The following KIF23 variants were observed in gnomAD, a reference collection of about 807,000 sequenced individuals.
KIF23 encodes kinesin family member 23, also known as kinesin-like protein KIF23.
KIF23 carries 30 observed loss-of-function variants against 137.5 expected under a neutral mutation model. The observed-to-expected ratio is 0.22, with a 90% confidence interval of 0.16 to 0.30. KIF23 has a LOEUF of 0.30. Ranked by LOEUF, KIF23 falls within the 10% of genes least tolerant of loss-of-function variation. The pLI, the probability that KIF23 is intolerant of heterozygous loss-of-function variation, is 1.00. For missense variants in KIF23, 920 were observed against 1,194.3 expected, an observed-to-expected ratio of 0.77 and a Z score of 3.38; for synonymous variants, 367 against 391.1, an observed-to-expected ratio of 0.94 and a Z score of 0.73.
intron 3 of KIF23, among the ~76,000 whole-genome samples, chr15:69,421,357 C>T (rs1382785041): frequency 6.6e-6 from 1 of 152,116 alleles, no homozygotes; most frequent in Non-Finnish European, 1.5e-5. Context: ...CATTGCACTC[C>T]AGCCTGGGCA....
chr15:69,426,676 C>T (rs1041395344), intron 10 of KIF23: 12 of 516,760 alleles, frequency 2.3e-5, no homozygotes, highest in East Asian at 6.7e-5. Context: ...ACTGAGATCG[C>T]GCCACTGTAG....
chr15:69,433,019 C>T (rs72758418), intron 11 of KIF23, among the ~76,000 whole-genome samples: 6,291 of 152,140 alleles, frequency 0.041, 186 homozygotes, highest in Non-Finnish European at 0.06. Context: ...CATGTTCCCC[C>T]GGACAATATA....
At chr15:69,429,364 G>A in intron 11 of KIF23, 151 bp downstream of exon 11, 4 of 618,470 alleles carry the variant, frequency 6.5e-6, no homozygotes, top group South Asian at 2.1e-5. Flanking sequence ...GAATGCAGTG[G>A]TGTGATCATG....
At chr15:69,422,949 C>T (rs575977103) in intron 6 of KIF23, 6 of 393,304 alleles carry the variant, frequency 1.5e-5, no homozygotes, top group South Asian at 5.3e-5. Context: ...TAGAGGCACA[C>T]GCCACCATGC....
intron 17 of KIF23, 61 bp downstream of exon 17, chr15:69,440,138 A>G (rs1406659923): frequency 1.1e-5 from 17 of 1,566,344 alleles, no homozygotes; most frequent in African/African-American, 2.7e-5. Context: ...CATTGTAGTT[A>G]GGTTCGATAT....
Position 69,436,372 on chromosome 15 carries a change from A to T in KIF23, c.1438+111A>T, listed in dbSNP as rs1480417001. The T allele has an allele frequency of 2.2e-6, 3 of 1,379,822 alleles. No homozygotes were observed. The African/African-American group carries it at 4.4e-5, about 20-fold the overall frequency. 85.5% of individuals were successfully genotyped at this position (1,379,822 alleles called of 1,614,324 possible). A position where few individuals can be genotyped will look rare whatever the true frequency, so the allele number is the denominator to read the frequency against. ...ATGTTTACATACCTTCTGAAGAACC[A>T]AGCACATAATAATTTGAACAAAATT... On this transcript the variant is annotated intron_variant, in intron 14 of 23. Coordinates refer to ENST00000679126, the MANE Select transcript of KIF23 (RefSeq NM_001367805.3).
chr15:69,421,207 G>A (rs569577598), intron 3 of KIF23, among the ~76,000 whole-genome samples: 124 of 152,210 alleles, frequency 8.1e-4, no homozygotes, highest in Non-Finnish European at 1.5e-3. Flanking sequence ...AGCCTAACAT[G>A]GTGAAACCCG....
At chr15:69,416,848 G>A (rs1239333413) in intron 2 of KIF23, among the ~76,000 whole-genome samples, 3 of 152,194 alleles carry the variant, frequency 2.0e-5, no homozygotes, top group East Asian at 3.9e-4. Flanking sequence ...CCAGCTACTC[G>A]GGAGGCTGAG....
chr15:69,428,391 C>T (rs556869715), intron 10 of KIF23, among the ~76,000 whole-genome samples: 2 of 151,960 alleles, frequency 1.3e-5, no homozygotes, highest in African/African-American at 4.8e-5. Flanking sequence ...CGTGGTGGCT[C>T]ACCCCTGTAA....
chr15:69,429,436 A>T (rs1358539257), intron 11 of KIF23, among the ~76,000 whole-genome samples: 2 of 152,058 alleles, frequency 1.3e-5, no homozygotes, highest in African/African-American at 4.8e-5. Flanking sequence ...TTCTGAGTAG[A>T]TGGGACTACA....
intron 7 of KIF23, 79 bp downstream of exon 7, chr15:69,423,408 G>A (rs2057111579): frequency 9.2e-6 from 8 of 874,220 alleles, no homozygotes; most frequent in Non-Finnish European, 1.4e-5. Flanking sequence ...AGTTTCTTCA[G>A]TTATGAAAGA....
At chr15:69,433,909 T>C (rs188607362) in intron 11 of KIF23, among the ~76,000 whole-genome samples, 1 of 152,292 alleles carries the variant, frequency 6.6e-6, no homozygotes, top group Non-Finnish European at 1.5e-5. Flanking sequence ...TTTAAATTAA[T>C]TGATTATGTA....
chr15:69,417,624 AT>A, intron 3 of KIF23, 113 bp downstream of exon 3: 1 of 1,146,166 alleles, frequency 8.7e-7, no homozygotes, highest in Non-Finnish European at 1.2e-6. Context: ...CAAAAGACTT[AT>A]TTACTTCATT....
At chr15:69,441,841 T>C (rs1469704039) in intron 19 of KIF23, among the ~76,000 whole-genome samples, 1 of 151,804 alleles carries the variant, frequency 6.6e-6, no homozygotes, top group Non-Finnish European at 1.5e-5. Flanking sequence ...TGATTATGGC[T>C]CACTGCAGCC....
At chr15:69,440,168 G>A (rs984811173) in intron 17 of KIF23, 91 bp downstream of exon 17, 18 of 1,512,230 alleles carry the variant, frequency 1.2e-5, no homozygotes, top group Middle Eastern at 1.7e-4. Context: ...TTGTATTTGC[G>A]GTAGGGTTTT....
intron 20 of KIF23, among the ~76,000 whole-genome samples, 196 bp downstream of exon 20, chr15:69,445,237 T>C (rs1219892196): frequency 2.0e-5 from 3 of 152,168 alleles, no homozygotes. Flanking sequence ...TAAGTATGCT[T>C]TAAATAGGTA....
chr15:69,446,129 C>A lies in KIF23; in HGVS notation c.2756+38C>A. The A allele has an allele frequency of 1.9e-6, 3 of 1,567,254 alleles. No individual in the cohort carries two copies. In the South Asian group the frequency reaches 3.3e-5, roughly 17 times the overall value. ...CAAAAATCTCTGTATAAAAGTTGGTCATTTTCTTAGCTGCTCATTTTGGAG... is the reference window on the plus strand; with the variant it reads ...CAAAAATCTCTGTATAAAAGTTGGTAATTTTCTTAGCTGCTCATTTTGGAG... On this transcript the variant is annotated intron_variant, in intron 21 of 23. Coordinates refer to ENST00000679126, the MANE Select transcript of KIF23 (RefSeq NM_001367805.3).
intron 17 of KIF23, 22 bp from the exon 18 acceptor site, chr15:69,440,286 C>G (rs1340330593): frequency 6.2e-7 from 1 of 1,601,802 alleles, no homozygotes; most frequent in Non-Finnish European, 8.5e-7. Flanking sequence ...TGATAATATA[C>G]ATTGCCACTG....
rs778913575 is a variant in KIF23 at position 69,440,833 on chromosome 15, T to C, written c.2175T>C (p.His725=). 48 of 1,613,716 alleles carry C rather than the reference T, an allele frequency of 3.0e-5. No homozygotes were observed. The Middle Eastern group carries it at 4.9e-4, about 17-fold the overall frequency. ...AACTCATGAGCCAGCCACAGCTACA[T>C]AGGCGCTCTAACTCTTGCAGCAGCA... The part of the protein sequence containing the change: ...GQQLMSQPQL[H]RRSNSCSSIS... The change falls in exon 19 of 24, where the codon CAT becomes CAC. Residue 725 remains histidine (H), a synonymous_variant. Coordinates refer to ENST00000679126, the MANE Select transcript of KIF23 (RefSeq NM_001367805.3).
Sources: gnomAD v4.1 joint callset for allele counts (sites outside exome capture counted in the v4.1 genomes callset) on GRCh38, gnomAD v4.1.1 for gene constraint, MANE v1.5 for transcripts, NCBI Gene and HGNC (gene_info 2026-07-23, HGNC 2026-07-21) for gene names.